Variants in TRIM24 observed in about 807,000 individuals in gnomAD.
The protein encoded by TRIM24 is transcription intermediary factor 1-alpha.
TRIM24 carries 29 observed loss-of-function variants against 123.9 expected under a neutral mutation model. The ratio of observed to expected loss-of-function variants is 0.23; its 90% CI spans 0.17 to 0.32. The LOEUF is 0.32. TRIM24 is among the 10% of genes least tolerant of loss of function. The pLI is 1.00. For synonymous variants in TRIM24, 456 were observed against 461.1 expected, an observed-to-expected ratio of 0.99 and a Z score of 0.14; for missense variants, 932 against 1,295.3, an observed-to-expected ratio of 0.72 and a Z score of 4.31.
At chr7:138,556,045 C>T (rs1186541285) in intron 9 of TRIM24, among the ~76,000 whole-genome samples, 2 of 152,016 alleles carry the variant, frequency 1.3e-5, no homozygotes, top group Non-Finnish European at 2.9e-5. Context: ...CCCTTAAGGA[C>T]CATTTTGGGC....
At chr7:138,566,833 C>T (rs1423802711) in intron 9 of TRIM24, among the ~76,000 whole-genome samples, 1 of 152,176 alleles carries the variant, frequency 6.6e-6, no homozygotes, top group Admixed American at 6.5e-5. Flanking sequence ...CAACTATTTT[C>T]ATTATTAACG....
At chr7:138,495,269 T>G (rs1323483263) in intron 1 of TRIM24, among the ~76,000 whole-genome samples, 1 of 152,186 alleles carries the variant, frequency 6.6e-6, no homozygotes, top group Non-Finnish European at 1.5e-5. Flanking sequence ...AAAATAAGTG[T>G]ATATCTAAAC....
At chr7:138,471,410 C>T (rs535043579) in intron 1 of TRIM24, among the ~76,000 whole-genome samples, 1 of 152,208 alleles carries the variant, frequency 6.6e-6, no homozygotes, top group East Asian at 1.9e-4. Context: ...AAACCTTTTT[C>T]AAATGCCATA....
chr7:138,515,568 G>A (rs1796377349), intron 3 of TRIM24, among the ~76,000 whole-genome samples: 2 of 152,170 alleles, frequency 1.3e-5, no homozygotes, highest in South Asian at 4.1e-4. Context: ...CATACTGCCT[G>A]TCCTCCTGCT....
At chr7:138,532,363 T>A (rs1318718919) in intron 6 of TRIM24, among the ~76,000 whole-genome samples, 1 of 152,192 alleles carries the variant, frequency 6.6e-6, no homozygotes, top group Non-Finnish European at 1.5e-5. Context: ...AACATTTAAG[T>A]CTTTAATCCA....
At chr7:138,492,136 G>A (rs183833349) in intron 1 of TRIM24, among the ~76,000 whole-genome samples, 96 of 151,732 alleles carry the variant, frequency 6.3e-4, no homozygotes, top group Non-Finnish European at 1.0e-3. Context: ...GCCAGGCATG[G>A]TGGTACATGA....
rs1049325091 is a variant in TRIM24 at position 138,460,443 on chromosome 7, C to A, written c.-106C>A. The stretch of plus-strand genomic sequence containing the variant: ...CTCCCTCGCTGGCGCTGCCGCGAGT[C>A]CACCGAGCGGCCTCTGAGGAGCAGC... On this transcript the variant is annotated 5_prime_UTR_variant, in exon 1 of 19. Transcript: ENST00000343526. 4 of 1,164,718 alleles carry A rather than the reference C, an allele frequency of 3.4e-6. No individual in the cohort carries two copies. The highest frequency in any genetic ancestry group is 3.2e-6 in the Non-Finnish European group (3 of 924,506). The allele number at this position is 1,164,718 out of a possible 1,614,324, so 72.1% of individuals were successfully genotyped here.
intron 3 of TRIM24, among the ~76,000 whole-genome samples, chr7:138,518,222 GA>G (rs1055616650): frequency 3.9e-5 from 6 of 151,900 alleles, no homozygotes; most frequent in Admixed American, 6.5e-5. Flanking sequence ...AGTTAAGTGA[GA>G]AAAAAAATCT....
intron 5 of TRIM24, among the ~76,000 whole-genome samples, chr7:138,528,733 G>A (rs1796664094): frequency 6.7e-6 from 1 of 150,160 alleles, no homozygotes; most frequent in Non-Finnish European, 1.5e-5. Context: ...TAATATAGTA[G>A]AACATGTTCA....
chr7:138,474,809 C>T (rs1264373134), intron 1 of TRIM24, among the ~76,000 whole-genome samples: 1 of 152,106 alleles, frequency 6.6e-6, no homozygotes, highest in Non-Finnish European at 1.5e-5. Context: ...TTTTGTTTAT[C>T]TTTACACTAA....
At chr7:138,476,788 C>T (rs558847543) in intron 1 of TRIM24, among the ~76,000 whole-genome samples, 51 of 152,108 alleles carry the variant, frequency 3.4e-4, no homozygotes, top group African/African-American at 1.1e-3. Flanking sequence ...TGGCAATCTC[C>T]ACTTCTAGGA....
Position 138,551,079 on chromosome 7 carries a change from G to A in TRIM24, c.1160G>A (p.Arg387Gln), listed in dbSNP as rs746834893. ...YSKRLITYRL[R>Q]HLLRARCDAS... is the part of the protein sequence containing the mutation. ...TTCTTCTAGATTACATACCGGTTAC[G>A]GCACCTCCTTCGTGCAAGGTGTGAT... The change falls in exon 8 of 19, where the codon CGG becomes CAG. Residue 387 changes from arginine to glutamine, a missense_variant. By Grantham distance (43) the Arg-to-Gln change is conservative (BLOSUM62 1). This residue lies in a region of TRIM24 where 527 missense variants were observed against 691.3 expected (regional missense o/e 0.76). Transcript: ENST00000343526. The A allele has an allele frequency of 4.3e-6, 7 of 1,613,014 alleles. No homozygotes were observed. The highest frequency in any genetic ancestry group is 2.7e-5 in the African/African-American group (2 of 74,738).
At chr7:138,480,040 A>G (rs1795493882) in intron 1 of TRIM24, among the ~76,000 whole-genome samples, 1 of 151,750 alleles carries the variant, frequency 6.6e-6, no homozygotes, top group South Asian at 2.1e-4. Flanking sequence ...GCTGGTCTCA[A>G]ACTCCTGAAC....
At chr7:138,540,381 A>G (rs528799896) in intron 7 of TRIM24, among the ~76,000 whole-genome samples, 1 of 152,314 alleles carries the variant, frequency 6.6e-6, no homozygotes, top group South Asian at 2.1e-4. Flanking sequence ...TAGCTGCGGT[A>G]TCACCTAAGT....
At chr7:138,547,207 A>ACTCT (rs1797119067) in intron 7 of TRIM24, among the ~76,000 whole-genome samples, 1 of 152,156 alleles carries the variant, frequency 6.6e-6, no homozygotes, top group African/African-American at 2.4e-5. Context: ...AAACTCAGAG[A>ACTCT]GAGTAGAATG....
intron 2 of TRIM24, among the ~76,000 whole-genome samples, chr7:138,508,700 C>CGCGCGCGCGCGCGCGCGTGTGCGTGTGT (rs1182276337): frequency 8.4e-5 from 3 of 35,510 alleles, no homozygotes; most frequent in African/African-American, 1.5e-4. Flanking sequence ...TGTGCGCGCG[C>CGCGCGCGCGCGCGCGCGTGTGCGTGTGT]GTGTGTGCGT....
chr7:138,535,213 A>G (rs1796841837), intron 6 of TRIM24, among the ~76,000 whole-genome samples: 1 of 152,180 alleles, frequency 6.6e-6, no homozygotes, highest in Non-Finnish European at 1.5e-5. Flanking sequence ...TAGCCCATTT[A>G]CATTTAAGGT....
At position 138,554,503 on chromosome 7, in the gene TRIM24, A is replaced by G. The variant is rs987978195; in HGVS notation, c.1262-195A>G. 6.6e-6 allele frequency among the ~76,000 whole-genome samples: 1 copy of G among 152,198 alleles called. No homozygotes were observed. The highest frequency in any genetic ancestry group is 2.4e-5 in the African/African-American group (1 of 41,462). On this transcript the variant is annotated intron_variant, in intron 8 of 18. Coordinates refer to ENST00000343526, the MANE Select transcript of TRIM24 (RefSeq NM_015905.3). This position sits in a 1 kb window ranked among gnomAD's most constrained non-coding sequence, Gnocchi z 4.5. The stretch of plus-strand genomic sequence containing the variant: ...GTTTTAAAAATTATTCTTAATTTCT[A>G]ATATTATAAATGTTGATGACTAGAA...
chr7:138,556,691 C>G (rs1797322784), intron 9 of TRIM24, among the ~76,000 whole-genome samples: 1 of 152,218 alleles, frequency 6.6e-6, no homozygotes, highest in Admixed American at 6.5e-5. Flanking sequence ...TCTTCTAGGA[C>G]TGGTCTCAAT....
Sources: gnomAD v4.1 joint callset for allele counts (sites outside exome capture counted in the v4.1 genomes callset) on GRCh38, gnomAD v4.1.1 for gene constraint, gnomAD v4.1.1 regional missense constraint, Gnocchi (gnomAD v3.1) non-coding constraint, MANE v1.5 for transcripts, NCBI Gene and HGNC (gene_info 2026-07-23, HGNC 2026-07-21) for gene names.